The following MLLT10 variants were observed in gnomAD, a reference collection of about 807,000 sequenced individuals.
MLLT10 encodes MLLT10 histone lysine methyltransferase DOT1L cofactor, also known as protein AF-10.
In MLLT10, 30 loss-of-function variants were observed where a neutral mutation model predicts 129.1. The observed-to-expected ratio is 0.23, with a 90% CI of 0.17 to 0.32. The LOEUF (loss-of-function observed/expected upper bound fraction) is 0.32, where lower values mean the gene tolerates loss of function less well. Among genes scored for constraint, MLLT10 ranks in the 10% least tolerant of loss-of-function variants. The pLI, the probability that MLLT10 is intolerant of heterozygous loss-of-function variation, is 1.00. For missense variants in MLLT10, 1,119 were observed against 1,268.3 expected (o/e 0.88, Z 1.79); for synonymous variants, 490 against 446.4 (o/e 1.10, Z -1.23).
At chr10:21,666,324 C>T (rs2050793255) in intron 9 of MLLT10, among the ~76,000 whole-genome samples, 1 of 151,970 alleles carries the variant, frequency 6.6e-6, no homozygotes, top group African/African-American at 2.4e-5. Context: ...TATTATAAAA[C>T]ACAATTTATT....
intron 5 of MLLT10, among the ~76,000 whole-genome samples, chr10:21,606,329 C>T (rs1326190126): frequency 1.3e-5 from 2 of 152,208 alleles, no homozygotes; most frequent in African/African-American, 2.4e-5. Flanking sequence ...CTGCTAACAA[C>T]ATCCATCCTG....
intron 5 of MLLT10, among the ~76,000 whole-genome samples, chr10:21,607,357 G>A (rs944162580): frequency 2.3e-5 from 2 of 86,592 alleles, no homozygotes; most frequent in Non-Finnish European, 4.4e-5. Context: ...TTTTGCTCTT[G>A]TTGCCCAGGC....
intron 5 of MLLT10, among the ~76,000 whole-genome samples, chr10:21,606,219 A>G (rs1241176601): frequency 6.6e-6 from 1 of 152,112 alleles, no homozygotes; most frequent in Non-Finnish European, 1.5e-5. Context: ...TCCCTAAGAC[A>G]CAACAATATT....
chr10:21,727,849 A>G lies in MLLT10; in HGVS notation c.1991-7A>G, dbSNP rs200167655. ...ACTTTATCAGCTCTGAAATATTTAC[A>G]CTACAGATCAAGATCTTGGAGACAA... On this transcript the variant is annotated splice_region_variant and splice_polypyrimidine_tract_variant and intron_variant, in intron 15 of 22. Transcript: ENST00000307729. 2,587 of 1,612,370 alleles carry G rather than the reference A, an allele frequency of 1.6e-3. 67 individuals carry two copies. In the South Asian group the frequency reaches 0.027, roughly 17 times the overall value.
Position 21,620,179 on chromosome 10 carries a change from C to T in MLLT10, c.699+2972C>T, listed in dbSNP as rs142833625. 3.4e-3 allele frequency among the ~76,000 whole-genome samples: 519 copies of T among 152,218 alleles called. 4 individuals are homozygous for T. Among genetic ancestry groups the T allele is most frequent in the African/African-American group, 0.012 (482 of 41,536 alleles). On this transcript the variant is annotated intron_variant, in intron 8 of 22. Transcript: ENST00000307729. ...TCCTGACCTCGTGATCCACCTGCCT[C>T]GGCCTCCCAAAGTGCTGGGATTACA...
chr10:21,584,929 T>C (rs2041859653), intron 3 of MLLT10, among the ~76,000 whole-genome samples: 2 of 151,084 alleles, frequency 1.3e-5, no homozygotes, highest in Admixed American at 6.6e-5. Flanking sequence ...TTTATTTTTG[T>C]TTTTTTTGAG....
chr10:21,730,510 A>G (rs2057882816), intron 16 of MLLT10, among the ~76,000 whole-genome samples: 2 of 152,184 alleles, frequency 1.3e-5, no homozygotes, highest in South Asian at 4.1e-4. Context: ...ATGATGGCAA[A>G]TATATCAAAG....
intron 16 of MLLT10, among the ~76,000 whole-genome samples, chr10:21,729,185 T>C (rs1182623048): frequency 6.6e-6 from 1 of 152,190 alleles, no homozygotes; most frequent in Non-Finnish European, 1.5e-5. Context: ...TATGCTGTGA[T>C]TAATTCTATG....
rs529852343 is a variant in MLLT10 at position 21,699,044 on chromosome 10, T to G, written c.1700-14728T>G. 2.6e-5 allele frequency among the ~76,000 whole-genome samples: 4 copies of G among 152,268 alleles called. No homozygotes were observed. The East Asian group carries it at 7.7e-4, about 29-fold the overall frequency. On this transcript the variant is annotated intron_variant, in intron 13 of 22. Coordinates refer to ENST00000307729, the MANE Select transcript of MLLT10 (RefSeq NM_001195626.3). The stretch of plus-strand genomic sequence containing the variant: ...CACGTGCCATCATGCCCAGCTAATT[T>G]TTGTACTTTTAGTAGATACAGGGTT...
In MLLT10 at chr10:21,733,542, C is replaced by A. The variant is rs2058119010; in HGVS notation, c.2446C>A (p.His816Asn). Reference protein sequence around the residue: ...TDSLNSSKSPHIGNSFLPDNS... With the variant: ...TDSLNSSKSPNIGNSFLPDNS... ...TTCCTTGAACAGCAGTAAGAGCCCTCATATAGGAAACAGCTTTTTACCTGA... is the reference window on the plus strand; with the variant it reads ...TTCCTTGAACAGCAGTAAGAGCCCTAATATAGGAAACAGCTTTTTACCTGA... The change falls in exon 19 of 23, where the codon CAT (histidine) becomes AAT (asparagine). Residue 816 changes from histidine to asparagine, a missense_variant. Coordinates refer to ENST00000307729, the MANE Select transcript of MLLT10 (RefSeq NM_001195626.3). 6.3e-7 allele frequency: 1 copy of A among 1,575,310 alleles called. No homozygotes were observed. Among genetic ancestry groups the A allele is most frequent in the African/African-American group, 1.4e-5 (1 of 73,062 alleles).
At chr10:21,711,299 T>C (rs1179912370) in intron 13 of MLLT10, among the ~76,000 whole-genome samples, 2 of 152,080 alleles carry the variant, frequency 1.3e-5, no homozygotes, top group Non-Finnish European at 2.9e-5. Flanking sequence ...GGCACGTGCC[T>C]GTAATCCCAG....
intron 13 of MLLT10, among the ~76,000 whole-genome samples, chr10:21,692,805 T>C (rs2054002446): frequency 6.6e-6 from 1 of 152,142 alleles, no homozygotes; most frequent in Non-Finnish European, 1.5e-5. Context: ...TATATTAAAA[T>C]CACTGGTTCA....
intron 8 of MLLT10, among the ~76,000 whole-genome samples, chr10:21,628,740 C>CTTTTT (rs1161362725): frequency 6.0e-5 from 6 of 99,348 alleles, no homozygotes; most frequent in Non-Finnish European, 1.2e-4. Context: ...TGTGCCCTGC[C>CTTTTT]TTTTTTTTTT....
chr10:21,670,885 G>T, intron 10 of MLLT10, 181 bp downstream of exon 10: 6 of 606,754 alleles, frequency 9.9e-6, no homozygotes, highest in Non-Finnish European at 7.8e-6. Context: ...TTTTTAATAG[G>T]GACTTTTTCT....
intron 3 of MLLT10, among the ~76,000 whole-genome samples, chr10:21,562,107 C>T (rs2038894403): frequency 1.3e-5 from 2 of 151,968 alleles, no homozygotes; most frequent in African/African-American, 4.8e-5. Flanking sequence ...TGCTTGGCAA[C>T]ACTGTTTTGA....
chr10:21,593,584 C>T (rs1485282234), intron 4 of MLLT10, among the ~76,000 whole-genome samples: 2 of 151,778 alleles, frequency 1.3e-5, no homozygotes, highest in Non-Finnish European at 2.9e-5. Flanking sequence ...TTCATATTGT[C>T]TTGTCTGTCA....
chr10:21,670,516 G>A lies in MLLT10; in HGVS notation c.863G>A (p.Arg288Gln), dbSNP rs1008170242. Residue 288 changes from arginine (R) to glutamine (Q), a missense_variant, in exon 10 of 23, where the codon CGA (arginine) becomes CAA (glutamine). Transcript: ENST00000307729. The stretch of plus-strand genomic sequence containing the variant: ...AAGCGCTTGGAAGATACTACTGCAC[G>A]ATTTACAAATGCAAATTTCCAGGAA... The part of the protein sequence containing the change: ...SLKRLEDTTA[R>Q]FTNANFQEVS... 1.9e-6 allele frequency: 3 copies of A among 1,613,934 alleles called. No individual in the cohort carries two copies. The highest frequency in any genetic ancestry group is 2.5e-6 in the Non-Finnish European group (3 of 1,180,000).
chr10:21,626,157 C>T, intron 8 of MLLT10: 2 of 1,609,860 alleles, frequency 1.2e-6, no homozygotes, highest in South Asian at 1.1e-5. Flanking sequence ...CATAAAAATG[C>T]ACTTTTGTTC....
chr10:21,675,558 G>A (rs976836990), intron 11 of MLLT10, among the ~76,000 whole-genome samples: 5 of 152,194 alleles, frequency 3.3e-5, no homozygotes, highest in Non-Finnish European at 5.9e-5. Flanking sequence ...TTGCATATTT[G>A]AATGTATGCT....
Sources: allele counts gnomAD v4.1 joint callset (sites outside exome capture counted in the v4.1 genomes callset), GRCh38; gene constraint gnomAD v4.1.1; transcripts MANE v1.5; gene names NCBI Gene and HGNC (gene_info 2026-07-23, HGNC 2026-07-21).